TG: variants seen among roughly 807,000 people sequenced by gnomAD.
TG encodes the protein thyroid hormones.
In TG, 270 loss-of-function variants were observed where a neutral mutation model predicts 324.7. The observed-to-expected ratio is 0.83, with a 90% CI of 0.75 to 0.92. TG has a LOEUF of 0.92. Ranked by LOEUF, TG falls within the 40% of genes least tolerant of loss-of-function variation. The pLI, the probability that TG is intolerant of heterozygous loss-of-function variation, is 0.00. For synonymous variants in TG, 1,401 were observed against 1,327.0 expected (o/e 1.06, Z -1.21); for missense variants, 3,591 against 3,456.4 (o/e 1.04, Z -0.98).
chr8:133,100,819 T>C (rs1249486741), intron 43 of TG, among the ~76,000 whole-genome samples: 2 of 152,202 alleles, frequency 1.3e-5, no homozygotes, highest in Non-Finnish European at 2.9e-5. Flanking sequence ...TTTTTTTCTG[T>C]AGTCATTTAT....
chr8:132,878,144 T>C (rs1814099242), intron 5 of TG, among the ~76,000 whole-genome samples: 1 of 152,160 alleles, frequency 6.6e-6, no homozygotes. Flanking sequence ...ACTTGGTTTC[T>C]ACAAGATAAA....
chr8:132,886,558 T>C lies in TG; in HGVS notation c.1186T>C (p.Trp396Arg), dbSNP rs1240374741. ...CCTGTTCTCTTCCCCAGAGAAAAGA[T>C]GGGCCTCTCCAAGAGTAGCCAGATT... is the stretch of plus-strand genomic sequence containing the variant. ...HDLFSSPEKR[W>R]ASPRVARFAT... The change falls in exon 9 of 48, where the codon TGG becomes CGG. Residue 396 changes from tryptophan (W) to arginine (R), a missense_variant. By Grantham distance (101) the Trp-to-Arg change is moderately radical. Transcript: ENST00000220616. 2 of 1,614,196 alleles carry C rather than the reference T, an allele frequency of 1.2e-6. No individual in the cohort carries two copies. Among genetic ancestry groups the C allele is most frequent in the Middle Eastern group, 1.6e-4 (1 of 6,062 alleles).
intron 16 of TG, among the ~76,000 whole-genome samples, chr8:132,905,568 C>T (rs1018036226): frequency 1.3e-5 from 2 of 152,134 alleles, no homozygotes; most frequent in Non-Finnish European, 2.9e-5. Context: ...GAAATTGTCA[C>T]GATGAGTGTG....
rs58739514 is a variant in TG, at chr8:133,042,678, CTTTTTTTTTTTTT to C, written c.7239+12674_7239+12686del. On this transcript the variant is annotated intron_variant, in intron 41 of 47. Coordinates refer to ENST00000220616, the MANE Select transcript of TG (RefSeq NM_003235.5). Reference sequence around the variant, plus strand: ...GTGCACAATTCCTCTCATTCTGTGTCTTTTTTTTTTTTTTTTTTTTTTTTTTTTTTTGTGAGAT... The same window carrying C: ...GTGCACAATTCCTCTCATTCTGTGTCTTTTTTTTTTTTTTTTTTGTGAGAT... 4.1e-4 allele frequency among the ~76,000 whole-genome samples: 23 copies of C among 56,770 alleles called. No individual in the cohort carries two copies. In the South Asian group the frequency reaches 4.2e-3, roughly 10 times the overall value. 37.2% of individuals were successfully genotyped at this position (56,770 alleles called of 152,430 possible).
At chr8:132,896,398 C>T (rs893957776) in intron 11 of TG, among the ~76,000 whole-genome samples, 1 of 152,188 alleles carries the variant, frequency 6.6e-6, no homozygotes, top group East Asian at 1.9e-4. Flanking sequence ...CAAGCTCTCT[C>T]GTCTGGAGCC....
At chr8:133,058,404 C>A (rs1341492229) in intron 41 of TG, among the ~76,000 whole-genome samples, 3 of 152,184 alleles carry the variant, frequency 2.0e-5, no homozygotes, top group Admixed American at 6.5e-5. Context: ...CATAATGGAA[C>A]AAAATCAACT....
chr8:132,958,063 T>C (rs1827193187), intron 27 of TG, among the ~76,000 whole-genome samples: 1 of 152,208 alleles, frequency 6.6e-6, no homozygotes, highest in African/African-American at 2.4e-5. Flanking sequence ...CCTGAGTTAC[T>C]TCACTTAGAA....
intron 41 of TG, among the ~76,000 whole-genome samples, chr8:133,067,689 T>A (rs905701583): frequency 2.0e-5 from 3 of 151,748 alleles, no homozygotes; most frequent in African/African-American, 7.3e-5. Flanking sequence ...GGCAGGAGAA[T>A]CACTTGAACC....
chr8:132,915,429 G>A (rs1820154001), intron 20 of TG, among the ~76,000 whole-genome samples: 1 of 152,198 alleles, frequency 6.6e-6, no homozygotes, highest in East Asian at 1.9e-4. Flanking sequence ...CAAGAAGATG[G>A]GAGGGGCCAC....
intron 21 of TG, among the ~76,000 whole-genome samples, chr8:132,920,977 C>G (rs1395886926): frequency 6.6e-6 from 1 of 152,178 alleles, no homozygotes; most frequent in Non-Finnish European, 1.5e-5. Flanking sequence ...GTCAGTGTGC[C>G]CACATGATTG....
At chr8:132,949,222 C>T (rs1304948319) in intron 27 of TG, among the ~76,000 whole-genome samples, 1 of 152,204 alleles carries the variant, frequency 6.6e-6, no homozygotes, top group Non-Finnish European at 1.5e-5. Flanking sequence ...GGTTAGCTGG[C>T]AATTGATGGA....
intron 5 of TG, among the ~76,000 whole-genome samples, chr8:132,875,869 G>T (rs1051558602): frequency 3.3e-5 from 5 of 152,248 alleles, no homozygotes; most frequent in Admixed American, 1.3e-4. Flanking sequence ...AGTAGACCTG[G>T]GTAGTCGCAG....
intron 43 of TG, chr8:133,102,897 C>T (rs1039331859): frequency 2.8e-5 from 9 of 326,276 alleles, no homozygotes; most frequent in Admixed American, 1.3e-4. Flanking sequence ...GGAGTGGGGG[C>T]CCTGTGGGTA....
At position 133,017,836 on chromosome 8, in the gene TG, C is replaced by T. The variant is rs768045651; in HGVS notation, c.6621C>T (p.Gly2207=). ...CTTCTGTGCCCATTTCCACCCATGG[C>T]CGGCTGCTGGGCAGGTCCCAGGCCA... ...SVPSVPISTH[G]RLLGRSQAIQ... The change falls in exon 38 of 48, where the codon GGC becomes GGT. Residue 2207 remains glycine (G), a synonymous_variant. Coordinates refer to ENST00000220616, the MANE Select transcript of TG (RefSeq NM_003235.5). 1.2e-6 allele frequency: 2 copies of T among 1,614,186 alleles called. No individual in the cohort carries two copies. Among genetic ancestry groups the T allele is most frequent in the Admixed American group, 1.7e-5 (1 of 60,030 alleles).
chr8:132,922,055 A>G (rs928675750), intron 21 of TG, among the ~76,000 whole-genome samples: 3 of 152,320 alleles, frequency 2.0e-5, no homozygotes, highest in Admixed American at 1.3e-4. Context: ...TGCCAACTGT[A>G]TAGTGGGTAT....
In TG at chr8:133,133,242, C is replaced by T. The variant is rs1218512625; in HGVS notation, c.7998-228C>T. 8.1e-6 allele frequency: 5 copies of T among 618,562 alleles called. No individual in the cohort carries two copies. The African/African-American group carries it at 9.1e-5, about 11-fold the overall frequency. The allele number at this position is 618,562 out of a possible 1,614,324, so 38.3% of individuals were successfully genotyped here. A position where few individuals can be genotyped will look rare whatever the true frequency, so the allele number is the denominator to read the frequency against. On this transcript the variant is annotated intron_variant, in intron 46 of 47. Transcript: ENST00000220616. ...CTGGGTAATGCTACCAGGTCATGAC[C>T]TTAACACCTTTCCTCACCCAGAAAT...
intron 30 of TG, among the ~76,000 whole-genome samples, chr8:132,967,204 A>ACCC: frequency 7.1e-6 from 1 of 141,120 alleles, no homozygotes; most frequent in Non-Finnish European, 1.5e-5. Flanking sequence ...CATCCCATCC[A>ACCC]ACCATCCATC....
intron 5 of TG, among the ~76,000 whole-genome samples, chr8:132,877,432 G>A (rs970829620): frequency 6.6e-6 from 1 of 152,074 alleles, no homozygotes; most frequent in African/African-American, 2.4e-5. Flanking sequence ...AGCCATGCCC[G>A]GTACGGCCCG....
chr8:132,949,961 A>G (rs564483438), intron 27 of TG, among the ~76,000 whole-genome samples: 3 of 152,334 alleles, frequency 2.0e-5, no homozygotes, highest in Admixed American at 1.3e-4. Context: ...ATCAGGAAAG[A>G]CAGGACCAGC....
Sources: gnomAD v4.1 joint callset for allele counts (sites outside exome capture counted in the v4.1 genomes callset) on GRCh38, gnomAD v4.1.1 for gene constraint, MANE v1.5 for transcripts, NCBI Gene and HGNC (gene_info 2026-07-23, HGNC 2026-07-21) for gene names.